PON2: variants seen among roughly 807,000 people sequenced by gnomAD.
PON2 encodes the protein serum paraoxonase/arylesterase 2.
In PON2, 27 loss-of-function variants were observed where a neutral mutation model predicts 36.6. The ratio of observed to expected loss-of-function variants is 0.74; its 90% CI spans 0.54 to 1.02. The LOEUF (loss-of-function observed/expected upper bound fraction) is 1.02. PON2 is among the 50% of genes least tolerant of loss of function. The pLI is 0.00. For synonymous variants in PON2, 149 were observed against 156.3 expected (o/e 0.95, Z 0.35); for missense variants, 363 against 421.1 (o/e 0.86, Z 1.21).
In PON2 at chr7:95,404,925, A is replaced by C. The variant is rs1809636264; in HGVS notation, c.*405T>G. On this transcript the variant is annotated 3_prime_UTR_variant, in exon 9 of 9. Coordinates refer to ENST00000222572, the MANE Select transcript of PON2 (RefSeq NM_000305.3). Reference sequence around the variant, plus strand: ...TAATGGTAAACAAAGATGTAAGTACAAAACATCAAAATACGTTATCAGTAG... The same window carrying C: ...TAATGGTAAACAAAGATGTAAGTACCAAACATCAAAATACGTTATCAGTAG... The C allele has an allele frequency of 5.8e-6, 1 of 172,548 alleles. No homozygotes were observed. The highest frequency in any genetic ancestry group is 2.5e-5 in the African/African-American group (1 of 39,526). 10.7% of individuals were successfully genotyped at this position (172,548 alleles called of 1,614,324 possible).
At chr7:95,407,617 T>G (rs2116452102) in intron 6 of PON2, among the ~76,000 whole-genome samples, 1 of 152,316 alleles carries the variant, frequency 6.6e-6, no homozygotes, top group South Asian at 2.1e-4. Flanking sequence ...CTCATTGAAT[T>G]GACTTTCCAT....
At chr7:95,416,173 G>T in intron 3 of PON2, 69 bp downstream of exon 3, 1 of 1,609,540 alleles carries the variant, frequency 6.2e-7, no homozygotes, top group Non-Finnish European at 8.5e-7. Flanking sequence ...GCAACTTACT[G>T]TTCTGCAGCC....
At chr7:95,410,224 G>T in intron 5 of PON2, 123 bp from the exon 6 acceptor site, 1 of 810,752 alleles carries the variant, frequency 1.2e-6, no homozygotes, top group Non-Finnish European at 2.0e-6. Context: ...GAAAAGACGA[G>T]CTAAAAATCA....
Position 95,411,686 on chromosome 7 carries a change from T to C in PON2, c.461A>G (p.His154Arg), listed in dbSNP as rs1434810194. 2.5e-6 allele frequency: 4 copies of C among 1,613,884 alleles called. No homozygotes were observed. Among genetic ancestry groups the C allele is most frequent in the Non-Finnish European group, 2.5e-6 (3 of 1,179,946 alleles). Reference protein sequence around the residue: ...KFEEAENSLLHLKTVKHELLP... With the variant: ...KFEEAENSLLRLKTVKHELLP... ...AAGCTCATGTTTGACTGTTTTCAGA[T>C]GCAACAGAGAATTTTCTGCTTCTTC... The change falls in exon 5 of 9, where the codon CAT becomes CGT. Residue 154 changes from histidine (H) to arginine (R), a missense_variant. Physicochemically the swap from His to Arg is conservative, Grantham distance 29 (BLOSUM62 0). Transcript: ENST00000222572.
chr7:95,417,716 C>CAG (rs1554339542), intron 2 of PON2, among the ~76,000 whole-genome samples: 25 of 148,720 alleles, frequency 1.7e-4, no homozygotes, highest in African/African-American at 5.7e-4. Flanking sequence ...CACACACACA[C>CAG]ACACACACAC....
intron 6 of PON2, among the ~76,000 whole-genome samples, chr7:95,409,024 C>G (rs1288126169): frequency 6.6e-6 from 1 of 152,052 alleles, no homozygotes; most frequent in Non-Finnish European, 1.5e-5. Context: ...TTATAATACT[C>G]TCTTAGAGCC....
chr7:95,413,331 A>G (rs967707381), intron 3 of PON2, among the ~76,000 whole-genome samples: 1 of 151,942 alleles, frequency 6.6e-6, no homozygotes, highest in Non-Finnish European at 1.5e-5. Flanking sequence ...TTTCTTTTCT[A>G]TCTCACATTT....
chr7:95,416,344 T>C lies in PON2; in HGVS notation c.146-47A>G, dbSNP rs752151333. The C allele has an allele frequency of 1.9e-6, 3 of 1,596,512 alleles. No homozygotes were observed. In the East Asian group the frequency reaches 6.7e-5, roughly 36 times the overall value. ...AAATGTCATGTTCAAGTTCTGTTAT[T>C]TGTTACACAGAGCATAACTGGGACT... On this transcript the variant is annotated intron_variant, in intron 2 of 8. Coordinates refer to ENST00000222572, the MANE Select transcript of PON2 (RefSeq NM_000305.3).
rs548470157 is a variant in PON2, at chr7:95,426,046, A to G, written c.75-1461T>C. 2.0e-4 allele frequency among the ~76,000 whole-genome samples: 30 copies of G among 152,240 alleles called. No homozygotes were observed. In the South Asian group the frequency reaches 6.2e-3, roughly 32 times the overall value. Reference sequence around the variant, plus strand: ...TCTCACTTTAACTGGGAGCTAAACAATGGTGCACATGGACATAAAGATGAC... The same window carrying G: ...TCTCACTTTAACTGGGAGCTAAACAGTGGTGCACATGGACATAAAGATGAC... On this transcript the variant is annotated intron_variant, in intron 1 of 8. Coordinates refer to ENST00000222572, the MANE Select transcript of PON2 (RefSeq NM_000305.3).
intron 7 of PON2, 76 bp from the exon 8 acceptor site, chr7:95,406,323 C>G: frequency 6.7e-7 from 1 of 1,482,212 alleles, no homozygotes. Context: ...ACCTTCCTGC[C>G]TCTATGCATG....
intron 2 of PON2, among the ~76,000 whole-genome samples, chr7:95,417,585 C>T (rs1562788678): frequency 6.6e-6 from 1 of 151,432 alleles, no homozygotes; most frequent in African/African-American, 2.4e-5. Flanking sequence ...TTAAGAATGA[C>T]TAGACTCTAG....
At chr7:95,423,639 C>G (rs888987181) in intron 2 of PON2, among the ~76,000 whole-genome samples, 1 of 152,126 alleles carries the variant, frequency 6.6e-6, no homozygotes, top group Non-Finnish European at 1.5e-5. Context: ...AGGGAGACTC[C>G]CCCTCTGCAG....
chr7:95,404,953 C>G lies in PON2; in HGVS notation c.*377G>C. The G allele has an allele frequency of 4.8e-6, 1 of 206,552 alleles. No individual in the cohort carries two copies. Among genetic ancestry groups the G allele is most frequent in the South Asian group, 8.7e-5 (1 of 11,432 alleles). 12.8% of individuals were successfully genotyped at this position (206,552 alleles called of 1,614,324 possible). A position where few individuals can be genotyped will look rare whatever the true frequency, so the allele number is the denominator to read the frequency against. On this transcript the variant is annotated 3_prime_UTR_variant, in exon 9 of 9. Transcript: ENST00000222572. ...ACATCAAAATACGTTATCAGTAGTT[C>G]TAAACAGCCATAGTAGTCACAGTGC...
At chr7:95,431,255 T>C (rs564291831) in intron 1 of PON2, among the ~76,000 whole-genome samples, 1 of 152,250 alleles carries the variant, frequency 6.6e-6, no homozygotes, top group Admixed American at 6.5e-5. Context: ...TACTAAAAAT[T>C]GAAGTGGGCA....
In PON2 at chr7:95,405,495, AG is replaced by A; in HGVS notation, c.907-8del. On this transcript the variant is annotated splice_region_variant and splice_polypyrimidine_tract_variant and intron_variant, in intron 8 of 8. Transcript: ENST00000222572. ...TGTTCTGGATGCGGAGAACCTATTC[AG>A]GGGATACAAAGTATGAATATAAGAC... 1.9e-6 allele frequency: 3 copies of A among 1,610,878 alleles called. No homozygotes were observed. Among genetic ancestry groups the A allele is most frequent in the Non-Finnish European group, 2.5e-6 (3 of 1,177,230 alleles).
intron 2 of PON2, among the ~76,000 whole-genome samples, chr7:95,422,946 A>G (rs1013561695): frequency 4.6e-5 from 7 of 152,234 alleles, no homozygotes; most frequent in Non-Finnish European, 1.0e-4. Flanking sequence ...CTAAGGTTAC[A>G]TTGTGGCAGA....
At chr7:95,417,726 C>CACACACACACACACACACACACACA (rs56020343) in intron 2 of PON2, among the ~76,000 whole-genome samples, 2 of 148,398 alleles carry the variant, frequency 1.3e-5, no homozygotes, top group African/African-American at 5.0e-5. Flanking sequence ...CACACACACA[C>CACACACACACACACACACACACACA]CGAGAGAGAA....
intron 2 of PON2, among the ~76,000 whole-genome samples, chr7:95,422,061 C>G (rs1405943085): frequency 1.3e-5 from 2 of 152,146 alleles, no homozygotes; most frequent in African/African-American, 4.8e-5. Context: ...TCTACAGACA[C>G]ACAAACTCAA....
At chr7:95,424,749 C>T (rs1488479367) in intron 1 of PON2, among the ~76,000 whole-genome samples, 164 bp from the exon 2 acceptor site, 1 of 151,848 alleles carries the variant, frequency 6.6e-6, no homozygotes, top group African/African-American at 2.4e-5. Flanking sequence ...GAAAATAAAA[C>T]TGCACCAGAA....
Sources: allele counts gnomAD v4.1 joint callset (sites outside exome capture counted in the v4.1 genomes callset), GRCh38; gene constraint gnomAD v4.1.1; transcripts MANE v1.5; gene names NCBI Gene and HGNC (gene_info 2026-07-23, HGNC 2026-07-21).